The following CSRNP3 variants were observed in gnomAD, a reference collection of about 807,000 sequenced individuals.
The protein encoded by CSRNP3 is cysteine and serine rich nuclear protein 3.
In CSRNP3, 12 loss-of-function variants were observed where a neutral mutation model predicts 48.0. That is an observed-to-expected ratio of 0.25 (90% CI 0.16 to 0.41). The LOEUF (loss-of-function observed/expected upper bound fraction) is 0.41, where lower values mean the gene tolerates loss of function less well. Among genes scored for constraint, CSRNP3 ranks in the 10% least tolerant of loss-of-function variants. The pLI is 1.00. For missense variants in CSRNP3, 580 were observed against 724.4 expected (o/e 0.80, Z 2.29); for synonymous variants, 263 against 269.7 (o/e 0.98, Z 0.24).
chr2:165,654,783 C>T (rs539736135), intron 4 of CSRNP3, among the ~76,000 whole-genome samples: 124 of 152,244 alleles, frequency 8.1e-4, no homozygotes, highest in African/African-American at 2.5e-3. Context: ...GCGTGAGCCA[C>T]CCTGCCTGGT....
chr2:165,480,989 A>C (rs1460991572), intron 1 of CSRNP3, among the ~76,000 whole-genome samples: 1 of 151,414 alleles, frequency 6.6e-6, no homozygotes, highest in East Asian at 1.9e-4. Flanking sequence ...TGTCTATAAA[A>C]ATATGAAAAA....
At chr2:165,568,037 T>C (rs1385612631) in intron 3 of CSRNP3, among the ~76,000 whole-genome samples, 1 of 152,124 alleles carries the variant, frequency 6.6e-6, no homozygotes, top group African/African-American at 2.4e-5. Context: ...CTTTTAAGGC[T>C]ATCAATAAGA....
At chr2:165,622,322 G>A (rs1686354209) in intron 4 of CSRNP3, among the ~76,000 whole-genome samples, 1 of 151,844 alleles carries the variant, frequency 6.6e-6, no homozygotes, top group Non-Finnish European at 1.5e-5. Context: ...CATTTTTGTA[G>A]GCATCAAAAT....
intron 5 of CSRNP3, among the ~76,000 whole-genome samples, chr2:165,659,749 G>A (rs972540594): frequency 2.6e-5 from 4 of 152,106 alleles, no homozygotes; most frequent in African/African-American, 7.2e-5. Flanking sequence ...ATAAATGGTC[G>A]TTTGTTAAAT....
intron 5 of CSRNP3, among the ~76,000 whole-genome samples, chr2:165,666,960 A>AAAGAGAGAGGAAGAAAGAAAGAAAGAG (rs1687232066): frequency 1.5e-5 from 2 of 137,312 alleles, no homozygotes; most frequent in Non-Finnish European, 3.1e-5. Context: ...GAGAGGAAGG[A>AAAGAGAGAGGAAGAAAGAAAGAAAGAG]AGGAAGGAAG....
Position 165,651,558 on chromosome 2 carries a change from A to G in CSRNP3, c.149-6203A>G, listed in dbSNP as rs115949230. ...TGTTCTTTTCACGAGTTCGTTCTTT[A>G]TATAATTTATAGTACAGATTATTTT... On this transcript the variant is annotated intron_variant, in intron 4 of 6. Coordinates refer to ENST00000651982, the MANE Select transcript of CSRNP3 (RefSeq NM_001172173.2). Among the ~76,000 whole-genome samples, 1,149 of 151,584 alleles carry G rather than the reference A, an allele frequency of 7.6e-3. 12 individuals carry two copies. The highest frequency in any genetic ancestry group is 0.027 in the African/African-American group (1,105 of 41,358).
chr2:165,683,261 T>A lies in CSRNP3; in HGVS notation c.*3508T>A, dbSNP rs1335176678. 1 of 152,100 alleles carries A rather than the reference T, an allele frequency of 6.6e-6. No homozygotes were observed. The highest frequency in any genetic ancestry group is 1.5e-5 in the Non-Finnish European group (1 of 67,994). 9.4% of individuals were successfully genotyped at this position (152,100 alleles called of 1,614,324 possible). On this transcript the variant is annotated 3_prime_UTR_variant, in exon 7 of 7. Coordinates refer to ENST00000651982, the MANE Select transcript of CSRNP3 (RefSeq NM_001172173.2). ...TCATTTCTTTGTGATAAAACCATTT[T>A]CTCAATGTGACAGCCACATGTAAAA...
intron 1 of CSRNP3, among the ~76,000 whole-genome samples, chr2:165,479,208 C>T (rs35645446): frequency 0.069 from 10,475 of 151,926 alleles, 439 homozygotes; most frequent in Middle Eastern, 0.22. Flanking sequence ...AATTAAGTAA[C>T]GTAGGCACAC....
intron 3 of CSRNP3, among the ~76,000 whole-genome samples, chr2:165,532,086 A>G (rs1264708861): frequency 7.2e-5 from 11 of 152,108 alleles, no homozygotes; most frequent in Non-Finnish European, 1.3e-4. Flanking sequence ...CAACCAAAAA[A>G]AGTCCAGGAC....
chr2:165,495,894 C>T (rs961685792), intron 2 of CSRNP3, among the ~76,000 whole-genome samples: 4 of 151,770 alleles, frequency 2.6e-5, no homozygotes, highest in African/African-American at 9.7e-5. Context: ...TTTAAACTCA[C>T]CAAAACAGCC....
In CSRNP3 at chr2:165,682,988, TCCTATA is replaced by T. The variant is rs1687572434; in HGVS notation, c.*3239_*3244del. ...CCAGCCCTGGCTATTCTAGTACCAG[TCCTATA>T]CCTTTAAATGGGACTTAATTCCCAG... On this transcript the variant is annotated 3_prime_UTR_variant, in exon 7 of 7. Coordinates refer to ENST00000651982, the MANE Select transcript of CSRNP3 (RefSeq NM_001172173.2). 6.6e-6 allele frequency: 1 copy of T among 152,116 alleles called. No individual in the cohort carries two copies. The highest frequency in any genetic ancestry group is 2.4e-5 in the African/African-American group (1 of 41,444). The allele number at this position is 152,116 out of a possible 1,614,324, so 9.4% of individuals were successfully genotyped here.
chr2:165,682,805 A>C lies in CSRNP3; in HGVS notation c.*3052A>C, dbSNP rs1030675086. The C allele has an allele frequency of 6.6e-6, 1 of 152,116 alleles. No individual in the cohort carries two copies. The highest frequency in any genetic ancestry group is 1.5e-5 in the Non-Finnish European group (1 of 68,006). The allele number at this position is 152,116 out of a possible 1,614,324, so 9.4% of individuals were successfully genotyped here. On this transcript the variant is annotated 3_prime_UTR_variant, in exon 7 of 7. Coordinates refer to ENST00000651982, the MANE Select transcript of CSRNP3 (RefSeq NM_001172173.2). ...TCTAAGCTTTTAAAAATGGGGATCA[A>C]GCTACATGCAGCCAGTTGGAATACT...
chr2:165,557,876 T>A (rs1374029324), intron 3 of CSRNP3, among the ~76,000 whole-genome samples: 1 of 152,246 alleles, frequency 6.6e-6, no homozygotes, highest in East Asian at 1.9e-4. Context: ...AGTTTGATGT[T>A]ATGTTTAGAG....
intron 4 of CSRNP3, among the ~76,000 whole-genome samples, chr2:165,628,156 A>G (rs1422208425): frequency 1.3e-5 from 2 of 151,978 alleles, no homozygotes; most frequent in Admixed American, 6.6e-5. Context: ...CAAACCTTAT[A>G]TTTCATTGCT....
At chr2:165,511,602 G>T (rs935703311) in intron 2 of CSRNP3, among the ~76,000 whole-genome samples, 2 of 152,098 alleles carry the variant, frequency 1.3e-5, no homozygotes, top group Non-Finnish European at 2.9e-5. Flanking sequence ...ATAGAAAAAA[G>T]GGAGGAAGTT....
intron 3 of CSRNP3, among the ~76,000 whole-genome samples, chr2:165,586,448 A>T (rs1471054393): frequency 6.6e-6 from 1 of 152,248 alleles, no homozygotes; most frequent in Non-Finnish European, 1.5e-5. Context: ...TAGATTTCTC[A>T]GTTAAGGTTG....
At chr2:165,529,128 A>T (rs1684779036) in intron 3 of CSRNP3, among the ~76,000 whole-genome samples, 1 of 152,184 alleles carries the variant, frequency 6.6e-6, no homozygotes, top group Non-Finnish European at 1.5e-5. Flanking sequence ...CTGCCTGCAA[A>T]CTAAAATCAG....
chr2:165,590,656 A>T (rs1300030133), intron 3 of CSRNP3, among the ~76,000 whole-genome samples: 1 of 152,082 alleles, frequency 6.6e-6, no homozygotes, highest in African/African-American at 2.4e-5. Flanking sequence ...TGTGATAGTG[A>T]GTGAGTTCTC....
chr2:165,499,891 A>C (rs1462748971), intron 2 of CSRNP3, among the ~76,000 whole-genome samples: 1 of 152,072 alleles, frequency 6.6e-6, no homozygotes, highest in Non-Finnish European at 1.5e-5. Context: ...CATCTCACAA[A>C]TATTATAATA....
Sources: allele counts gnomAD v4.1 joint callset (sites outside exome capture counted in the v4.1 genomes callset), GRCh38; gene constraint gnomAD v4.1.1; transcripts MANE v1.5; gene names NCBI Gene and HGNC (gene_info 2026-07-23, HGNC 2026-07-21).